Variants in MYO1E observed in about 807,000 individuals in gnomAD.
MYO1E encodes unconventional myosin-Ie.
A neutral mutation model predicts 151.1 loss-of-function variants in MYO1E; 68 were observed. That is an observed-to-expected ratio of 0.45 (90% CI 0.37 to 0.55). MYO1E has a LOEUF of 0.55. Among genes scored for constraint, MYO1E ranks in the 20% least tolerant of loss-of-function variants. The probability of loss-of-function intolerance (pLI) is 0.00; values close to 1 mark genes in which losing one functional copy is unlikely to be tolerated. For synonymous variants in MYO1E, 601 were observed against 501.7 expected (o/e 1.20, Z -2.64); for missense variants, 1,363 against 1,389.3 (o/e 0.98, Z 0.30).
chr15:59,177,159 G>A (rs995712880), intron 19 of MYO1E, among the ~76,000 whole-genome samples: 1 of 152,136 alleles, frequency 6.6e-6, no homozygotes, highest in Non-Finnish European at 1.5e-5. Context: ...TTGCTTAATG[G>A]CGAATGACAC....
At chr15:59,210,478 G>C (rs1470321159) in intron 13 of MYO1E, 36 bp downstream of exon 13, 1 of 1,348,334 alleles carries the variant, frequency 7.4e-7, no homozygotes, top group Non-Finnish European at 1.1e-6. Context: ...ATGTAAACCT[G>C]TGAGCAGTGA....
intron 3 of MYO1E, among the ~76,000 whole-genome samples, chr15:59,258,682 T>G (rs2080208019): frequency 1.3e-5 from 2 of 152,060 alleles, no homozygotes; most frequent in Admixed American, 1.3e-4. Context: ...TGAGACCTCC[T>G]CTCTACAAAA....
At position 59,208,788 on chromosome 15, in the gene MYO1E, C is replaced by T. The variant is rs1244503630; in HGVS notation, c.1423G>A (p.Glu475Lys). Reference protein sequence around the residue: ...DVCATMHAVGEGADQTLLQKL... With the variant: ...DVCATMHAVGKGADQTLLQKL... ...TGGAGCAGCGTCTGATCTGCCCCCTCACCCACCGCATGCATCGTGGCGCAC... is the reference window on the plus strand; with the variant it reads ...TGGAGCAGCGTCTGATCTGCCCCCTTACCCACCGCATGCATCGTGGCGCAC... Residue 475 changes from glutamate to lysine, a missense_variant, in exon 14 of 28, where the codon GAG (glutamate) becomes AAG (lysine). Coordinates refer to ENST00000288235, the MANE Select transcript of MYO1E (RefSeq NM_004998.4). The T allele has an allele frequency of 1.2e-6, 2 of 1,614,106 alleles. No individual in the cohort carries two copies. The highest frequency in any genetic ancestry group is 1.7e-5 in the Admixed American group (1 of 60,004).
intron 10 of MYO1E, among the ~76,000 whole-genome samples, chr15:59,215,417 T>C (rs2079907264): frequency 6.6e-6 from 1 of 152,196 alleles, no homozygotes; most frequent in Non-Finnish European, 1.5e-5. Context: ...TTGTTCTATG[T>C]AAGAAGCAGG....
intron 1 of MYO1E, among the ~76,000 whole-genome samples, chr15:59,344,265 C>T (rs58406189): frequency 9.2e-5 from 14 of 152,330 alleles, no homozygotes; most frequent in African/African-American, 2.6e-4. Flanking sequence ...GTAGTTCTTG[C>T]GGACTCGTAG....
At chr15:59,339,288 T>G (rs923768467) in intron 1 of MYO1E, among the ~76,000 whole-genome samples, 21 of 152,234 alleles carry the variant, frequency 1.4e-4, no homozygotes, top group African/African-American at 4.8e-4. Context: ...ACACAGTGCT[T>G]GGATACAGAT....
At chr15:59,234,809 T>A (rs1234527668) in intron 5 of MYO1E, among the ~76,000 whole-genome samples, 1 of 104,516 alleles carries the variant, frequency 9.6e-6, no homozygotes, top group Non-Finnish European at 1.8e-5. Context: ...GGTGACAGAG[T>A]GAGACCCCAT....
At chr15:59,187,539 T>C (rs951907003) in intron 18 of MYO1E, among the ~76,000 whole-genome samples, 1 of 152,096 alleles carries the variant, frequency 6.6e-6, no homozygotes, top group African/African-American at 2.4e-5. Flanking sequence ...CTCTCAAAGG[T>C]TAAATGCAGA....
intron 22 of MYO1E, among the ~76,000 whole-genome samples, chr15:59,170,061 T>C (rs1232936094): frequency 6.6e-6 from 1 of 152,080 alleles, no homozygotes; most frequent in Non-Finnish European, 1.5e-5. Flanking sequence ...CTCGGGAGCC[T>C]GAGGCAGGAG....
At chr15:59,180,931 C>T (rs1250844291) in intron 18 of MYO1E, among the ~76,000 whole-genome samples, 1 of 152,186 alleles carries the variant, frequency 6.6e-6, no homozygotes, top group Non-Finnish European at 1.5e-5. Flanking sequence ...CCTCTCAAGG[C>T]CTTTGTGCCA....
At chr15:59,277,693 A>G (rs1445752567) in intron 1 of MYO1E, among the ~76,000 whole-genome samples, 2 of 152,224 alleles carry the variant, frequency 1.3e-5, no homozygotes, top group African/African-American at 4.8e-5. Flanking sequence ...TAATAGGGAA[A>G]CAGAAGCATC....
chr15:59,191,493 T>C (rs1252032603), intron 17 of MYO1E, among the ~76,000 whole-genome samples: 1 of 152,058 alleles, frequency 6.6e-6, no homozygotes, highest in African/African-American at 2.4e-5. Context: ...GCATGAAAAA[T>C]GCATTTAAAG....
At chr15:59,255,056 C>A (rs928658344) in intron 4 of MYO1E, among the ~76,000 whole-genome samples, 31 of 152,030 alleles carry the variant, frequency 2.0e-4, no homozygotes, top group African/African-American at 7.0e-4. Context: ...GAACTCCTGA[C>A]TTCAAGTGAT....
At chr15:59,265,249 G>A (rs2080246539) in intron 2 of MYO1E, among the ~76,000 whole-genome samples, 2 of 152,118 alleles carry the variant, frequency 1.3e-5, no homozygotes. Flanking sequence ...CTGCCGCCTT[G>A]TCCTAGACAA....
intron 18 of MYO1E, among the ~76,000 whole-genome samples, chr15:59,185,116 T>A (rs2079687905): frequency 6.6e-6 from 1 of 152,222 alleles, no homozygotes; most frequent in Non-Finnish European, 1.5e-5. Flanking sequence ...GATCTTTTGC[T>A]CATTTTTTTG....
chr15:59,176,607 G>T (rs112081786), intron 19 of MYO1E, among the ~76,000 whole-genome samples: 7,955 of 151,964 alleles, frequency 0.052, 723 homozygotes, highest in African/African-American at 0.18. Flanking sequence ...GACAGCAGGC[G>T]TGTACCACCA....
chr15:59,224,415 A>G (rs1207266272), intron 8 of MYO1E, among the ~76,000 whole-genome samples: 1 of 152,236 alleles, frequency 6.6e-6, no homozygotes, highest in African/African-American at 2.4e-5. Flanking sequence ...TGCTCAACGT[A>G]TGAATCATTT....
intron 1 of MYO1E, among the ~76,000 whole-genome samples, chr15:59,328,460 G>A (rs1378417047): frequency 6.6e-6 from 1 of 151,964 alleles, no homozygotes; most frequent in Admixed American, 6.6e-5. Context: ...TACTGGGAGA[G>A]GGGCCAAAAA....
At position 59,295,122 on chromosome 15, in the gene MYO1E, T is replaced by C. The variant is rs554486011; in HGVS notation, c.4-22673A>G. Reference sequence around the variant, plus strand: ...AAAGAGCCATGCACATAAGTGGCTTTATAAATGCCTGTTCAATGAAGTAAT... The same window carrying C: ...AAAGAGCCATGCACATAAGTGGCTTCATAAATGCCTGTTCAATGAAGTAAT... On this transcript the variant is annotated intron_variant, in intron 1 of 27. Coordinates refer to ENST00000288235, the MANE Select transcript of MYO1E (RefSeq NM_004998.4). 4.6e-5 allele frequency among the ~76,000 whole-genome samples: 7 copies of C among 152,300 alleles called. No individual in the cohort carries two copies. The East Asian group carries it at 1.2e-3, about 25-fold the overall frequency.
Sources: allele counts gnomAD v4.1 joint callset (sites outside exome capture counted in the v4.1 genomes callset), GRCh38; gene constraint gnomAD v4.1.1; transcripts MANE v1.5; gene names NCBI Gene and HGNC (gene_info 2026-07-23, HGNC 2026-07-21).